The following ADK variants were observed in gnomAD, a reference collection of about 807,000 sequenced individuals.
ADK encodes the protein adenosine kinase, also known as N6,N6-dimethyladenosine kinase.
A neutral mutation model predicts 44.7 loss-of-function variants in ADK; 24 were observed. That is an observed-to-expected ratio of 0.54 (90% CI 0.39 to 0.76). ADK has a LOEUF of 0.76. ADK is among the 30% of genes least tolerant of loss of function. ADK has a pLI of 0.00. For missense variants in ADK, 321 were observed against 425.1 expected (o/e 0.76, Z 2.15); for synonymous variants, 128 against 142.6 (o/e 0.90, Z 0.73).
chr10:74,645,760 C>T (rs1406681379), intron 9 of ADK, among the ~76,000 whole-genome samples: 1 of 152,200 alleles, frequency 6.6e-6, no homozygotes, highest in African/African-American at 2.4e-5. Context: ...TTGTCTAATA[C>T]ATTGTTGTCA....
intron 9 of ADK, among the ~76,000 whole-genome samples, chr10:74,609,242 T>C (rs976960145): frequency 6.6e-6 from 1 of 151,924 alleles, no homozygotes; most frequent in African/African-American, 2.4e-5. Flanking sequence ...TCCAGGGGAG[T>C]GAACAGTTCT....
chr10:74,337,664 T>C (rs1252483536), intron 4 of ADK, among the ~76,000 whole-genome samples: 1 of 152,210 alleles, frequency 6.6e-6, no homozygotes, highest in African/African-American at 2.4e-5. Context: ...GCTGGCTTCA[T>C]TAGCTTTTTG....
At chr10:74,440,610 A>G (rs1845370560) in intron 6 of ADK, among the ~76,000 whole-genome samples, 1 of 152,174 alleles carries the variant, frequency 6.6e-6, no homozygotes. Flanking sequence ...TTGTTTTATT[A>G]TAGATGTTAA....
In ADK at chr10:74,326,104, A is replaced by G. The variant is rs558974087; in HGVS notation, c.273+11359A>G. Among the ~76,000 whole-genome samples the G allele has an allele frequency of 6.6e-5, 10 of 152,214 alleles. No homozygotes were observed. The South Asian group carries it at 1.9e-3, about 28-fold the overall frequency. ...CTTGGCCTCCCAAAATTAATGTGCTATTGAATTTGGTTTGCTGGTATTTTG... is the reference window on the plus strand; with the variant it reads ...CTTGGCCTCCCAAAATTAATGTGCTGTTGAATTTGGTTTGCTGGTATTTTG... On this transcript the variant is annotated intron_variant, in intron 4 of 10. Transcript: ENST00000539909.
intron 4 of ADK, among the ~76,000 whole-genome samples, chr10:74,328,995 A>G (rs1459832034): frequency 1.3e-5 from 2 of 151,546 alleles, no homozygotes; most frequent in Non-Finnish European, 2.9e-5. Flanking sequence ...AGCATGGCAC[A>G]TGTATACATA....
rs373774596 is a variant in ADK, at chr10:74,394,218, G to A, written c.351G>A (p.Lys117=). 4 of 1,613,970 alleles carry A rather than the reference G, an allele frequency of 2.5e-6. No individual in the cohort carries two copies. Among genetic ancestry groups the A allele is most frequent in the African/African-American group, 2.7e-5 (2 of 74,916 alleles). The change falls in exon 5 of 11, where the codon AAG becomes AAA. Residue 117 remains lysine, a synonymous_variant. Coordinates refer to ENST00000539909, the MANE Select transcript of ADK (RefSeq NM_006721.4). Reference sequence around the variant, plus strand: ...TAGATAAATTTGGGGAGATCCTGAAGAGAAAAGCTGCTGAAGCCCATGTGG... The same window carrying A: ...TAGATAAATTTGGGGAGATCCTGAAAAGAAAAGCTGCTGAAGCCCATGTGG... The part of the protein sequence containing the change: ...IGIDKFGEIL[K]RKAAEAHVDA...
chr10:74,425,821 G>C (rs1189915840), intron 6 of ADK, among the ~76,000 whole-genome samples: 2 of 152,096 alleles, frequency 1.3e-5, no homozygotes, highest in African/African-American at 4.8e-5. Context: ...TTCAAAAAAA[G>C]ATTCTTTTGT....
At chr10:74,371,872 A>G in intron 4 of ADK, 1 of 1,444,134 alleles carries the variant, frequency 6.9e-7, no homozygotes, top group Non-Finnish European at 9.6e-7. Flanking sequence ...AACCACATCC[A>G]GGCAGCCTTC....
intron 4 of ADK, among the ~76,000 whole-genome samples, chr10:74,318,526 G>A (rs148064329): frequency 9.9e-5 from 15 of 152,266 alleles, no homozygotes; most frequent in African/African-American, 3.6e-4. Flanking sequence ...ACAGAAAAGA[G>A]CAATGAGGTT....
At chr10:74,694,007 C>A (rs1338003380) in intron 10 of ADK, among the ~76,000 whole-genome samples, 1 of 151,822 alleles carries the variant, frequency 6.6e-6, no homozygotes. Context: ...TTTAAAGTTC[C>A]CATGTTTTTT....
intron 3 of ADK, among the ~76,000 whole-genome samples, chr10:74,240,414 G>C (rs896016031): frequency 7.0e-6 from 1 of 143,574 alleles, no homozygotes; most frequent in Non-Finnish European, 1.6e-5. Context: ...GTGTGTGTGT[G>C]TGTTTTAGTA....
intron 9 of ADK, among the ~76,000 whole-genome samples, chr10:74,641,253 C>A (rs972335133): frequency 6.6e-6 from 1 of 152,172 alleles, no homozygotes; most frequent in Non-Finnish European, 1.5e-5. Context: ...CATAATGGCC[C>A]ATGCCTAAAA....
intron 2 of ADK, among the ~76,000 whole-genome samples, chr10:74,215,109 T>C (rs1395885759): frequency 5.3e-5 from 8 of 152,186 alleles, no homozygotes; most frequent in African/African-American, 1.9e-4. Context: ...TTGGAGTGTA[T>C]GTCATTTTTC....
chr10:74,260,120 T>C (rs1845989572), intron 3 of ADK, among the ~76,000 whole-genome samples: 1 of 152,102 alleles, frequency 6.6e-6, no homozygotes, highest in South Asian at 2.1e-4. Context: ...AGATGGTCTG[T>C]CTAATAATGA....
chr10:74,582,663 G>A (rs1851410599), intron 7 of ADK, among the ~76,000 whole-genome samples: 1 of 151,914 alleles, frequency 6.6e-6, no homozygotes, highest in Admixed American at 6.6e-5. Context: ...TTTCAGTTAT[G>A]TTTATTGAGG....
chr10:74,316,091 T>G (rs1840608289), intron 4 of ADK, among the ~76,000 whole-genome samples: 1 of 151,992 alleles, frequency 6.6e-6, no homozygotes, highest in Non-Finnish European at 1.5e-5. Context: ...AATACAAAAA[T>G]TAGCCAGGTG....
chr10:74,682,994 T>C (rs2134239109), intron 10 of ADK, among the ~76,000 whole-genome samples: 1 of 152,336 alleles, frequency 6.6e-6, no homozygotes, highest in Non-Finnish European at 1.5e-5. Context: ...TTTCTAAAAT[T>C]TGGGTCACAA....
chr10:74,651,644 T>C (rs1854278502), intron 9 of ADK, among the ~76,000 whole-genome samples: 1 of 152,180 alleles, frequency 6.6e-6, no homozygotes, highest in African/African-American at 2.4e-5. Flanking sequence ...TATGACTGGC[T>C]TTCAGGAAAA....
chr10:74,155,522 T>A (rs1025385468), intron 1 of ADK, among the ~76,000 whole-genome samples: 3 of 151,982 alleles, frequency 2.0e-5, no homozygotes, highest in East Asian at 1.9e-4. Context: ...ATATATATAT[T>A]TTTTTGTTTG....
Sources: gnomAD v4.1 joint callset for allele counts (sites outside exome capture counted in the v4.1 genomes callset) on GRCh38, gnomAD v4.1.1 for gene constraint, MANE v1.5 for transcripts, NCBI Gene and HGNC (gene_info 2026-07-23, HGNC 2026-07-21) for gene names.